The following CREM variants were observed in gnomAD, a reference collection of about 807,000 sequenced individuals.
CREM encodes the protein cAMP responsive element modulator, also known as cAMP-responsive element modulator.
A neutral mutation model predicts 37.3 loss-of-function variants in CREM; 13 were observed. The ratio of observed to expected loss-of-function variants is 0.35; its 90% CI spans 0.23 to 0.55. The LOEUF (loss-of-function observed/expected upper bound fraction) is 0.55, where lower values mean the gene tolerates loss of function less well. Ranked by LOEUF, CREM falls within the 20% of genes least tolerant of loss-of-function variation. The probability of loss-of-function intolerance (pLI) is 0.88; values close to 1 mark genes in which losing one functional copy is unlikely to be tolerated. For missense variants in CREM, 296 were observed against 362.3 expected (o/e 0.82, Z 1.49); for synonymous variants, 124 against 120.2 (o/e 1.03, Z -0.21).
chr10:35,165,803 G>T (rs1337451501), intron 3 of CREM, among the ~76,000 whole-genome samples: 1 of 151,670 alleles, frequency 6.6e-6, no homozygotes, highest in Admixed American at 6.6e-5. Flanking sequence ...CCAAGATACT[G>T]TACAGATTAG....
intron 3 of CREM, among the ~76,000 whole-genome samples, chr10:35,169,620 G>T (rs1409166619): frequency 1.3e-5 from 2 of 152,014 alleles, no homozygotes; most frequent in Non-Finnish European, 2.9e-5. Flanking sequence ...GGCCAGAACT[G>T]CCAACACTGT....
intron 6 of CREM, among the ~76,000 whole-genome samples, chr10:35,203,660 C>G (rs748696192): frequency 6.6e-6 from 1 of 151,758 alleles, no homozygotes; most frequent in Admixed American, 6.6e-5. Flanking sequence ...CCACTGCACT[C>G]TATCCTGGGT....
rs112154740 is a variant in CREM at position 35,201,684 on chromosome 10, A to G, written c.599-5211A>G. On this transcript the variant is annotated intron_variant, in intron 6 of 7. Coordinates refer to ENST00000685392, the MANE Select transcript of CREM (RefSeq NM_183011.2). ...TTCATGTCAGGAGCTAGATGGAAGCACATCATAATGAGAACGCCTTTGCTT... is the reference window on the plus strand; with the variant it reads ...TTCATGTCAGGAGCTAGATGGAAGCGCATCATAATGAGAACGCCTTTGCTT... Among the ~76,000 whole-genome samples the G allele has an allele frequency of 7.9e-5, 12 of 152,332 alleles. 1 individual carries two copies. The highest frequency in any genetic ancestry group is 2.9e-4 in the African/African-American group (12 of 41,584).
intron 1 of CREM, among the ~76,000 whole-genome samples, chr10:35,134,167 C>T (rs2090013605): frequency 6.6e-6 from 1 of 151,874 alleles, no homozygotes. Flanking sequence ...TTGCCTCAGC[C>T]TCCAGAGTAG....
At chr10:35,142,921 C>T (rs769689835) in intron 2 of CREM, among the ~76,000 whole-genome samples, 1 of 151,564 alleles carries the variant, frequency 6.6e-6, no homozygotes, top group Non-Finnish European at 1.5e-5. Flanking sequence ...ATAGCTTATT[C>T]TGTCTTATAA....
chr10:35,158,808 TGTTG>T (rs745446734), intron 3 of CREM, among the ~76,000 whole-genome samples: 5,457 of 134,756 alleles, frequency 0.04, 241 homozygotes, highest in East Asian at 0.052. Context: ...GTTTTTTTTT[TGTTG>T]TTTTGTTTGT....
chr10:35,179,564 ATTG>A, intron 5 of CREM: 1 of 343,308 alleles, frequency 2.9e-6, no homozygotes, highest in African/African-American at 2.1e-5. Context: ...CTAGTAAAAC[ATTG>A]TTTTTGTTGT....
intron 6 of CREM, among the ~76,000 whole-genome samples, chr10:35,198,300 G>A (rs551177571): frequency 3.3e-5 from 5 of 151,944 alleles, no homozygotes; most frequent in Admixed American, 6.6e-5. Flanking sequence ...CAAGGCGGGC[G>A]GATCACAACC....
intron 2 of CREM, among the ~76,000 whole-genome samples, chr10:35,139,058 T>C (rs1261565985): frequency 6.6e-6 from 1 of 152,180 alleles, no homozygotes; most frequent in Non-Finnish European, 1.5e-5. Context: ...CAGAGAAATA[T>C]TTAACTTCAA....
intron 6 of CREM, chr10:35,195,851 T>C (rs1227274790): frequency 1.8e-6 from 1 of 562,654 alleles, no homozygotes; most frequent in Non-Finnish European, 3.2e-6. Flanking sequence ...GAGCTGCACA[T>C]TGACGTCAGC....
intron 3 of CREM, among the ~76,000 whole-genome samples, chr10:35,166,310 C>T (rs771884517): frequency 8.5e-5 from 13 of 152,130 alleles, no homozygotes; most frequent in Non-Finnish European, 1.3e-4. Context: ...CACCTGTTAT[C>T]TCAGCACTTT....
In CREM at chr10:35,211,419, G is replaced by A. The variant is rs2095663254; in HGVS notation, c.*21G>A. ...AGTAACTGTCTTTGACTTGGACCTT[G>A]TTTACTCTAATCAAGGCAGGAGATG... On this transcript the variant is annotated 3_prime_UTR_variant, in exon 8 of 8. Transcript: ENST00000685392. The A allele has an allele frequency of 1.2e-6, 2 of 1,608,462 alleles. No individual in the cohort carries two copies. Among genetic ancestry groups the A allele is most frequent in the South Asian group, 1.1e-5 (1 of 90,248 alleles).
rs750713367 is a variant in CREM, at chr10:35,207,071, A to G, written c.755+20A>G. ...AAACAGGTGAGGTGTTGCACAGGGA[A>G]TCGGTAACTTCTAGGACACTTTTTA... On this transcript the variant is annotated intron_variant, in intron 7 of 7. Transcript: ENST00000685392. 1 of 1,606,358 alleles carries G rather than the reference A, an allele frequency of 6.2e-7. No individual in the cohort carries two copies. Among genetic ancestry groups the G allele is most frequent in the East Asian group, 2.2e-5 (1 of 44,676 alleles).
chr10:35,132,169 C>G (rs2089526002), intron 1 of CREM, among the ~76,000 whole-genome samples: 1 of 147,218 alleles, frequency 6.8e-6, no homozygotes, highest in Admixed American at 6.9e-5. Context: ...CTACTGCACT[C>G]CATCCTGGGT....
At chr10:35,158,272 A>G (rs1283289244) in intron 3 of CREM, 1 of 158,604 alleles carries the variant, frequency 6.3e-6, no homozygotes, top group Non-Finnish European at 1.4e-5. Context: ...CGAAAGGAAT[A>G]TTGAACCAAA....
chr10:35,136,426 C>T (rs11592886), intron 1 of CREM, among the ~76,000 whole-genome samples: 20,647 of 152,156 alleles, frequency 0.14, 1,590 homozygotes, highest in South Asian at 0.2. Flanking sequence ...GATGTCCCTA[C>T]GTAAAATGCT....
chr10:35,185,189 G>A (rs368015330), intron 5 of CREM, among the ~76,000 whole-genome samples: 2 of 147,816 alleles, frequency 1.4e-5, no homozygotes, highest in African/African-American at 5.0e-5. Flanking sequence ...CGCAACCCCC[G>A]CCTCCCAGAT....
chr10:35,177,698 C>T (rs1169470467), intron 3 of CREM, among the ~76,000 whole-genome samples: 1 of 152,164 alleles, frequency 6.6e-6, no homozygotes, highest in African/African-American at 2.4e-5. Flanking sequence ...GGATCTTGTC[C>T]TAGAATACTT....
chr10:35,130,196 CAA>C (rs754455183), intron 1 of CREM, among the ~76,000 whole-genome samples: 150 of 67,190 alleles, frequency 2.2e-3, no homozygotes, highest in African/African-American at 5.5e-3. Flanking sequence ...AACTCAGTCT[CAA>C]AAAAAAAAAA....
Sources: gnomAD v4.1 joint callset for allele counts (sites outside exome capture counted in the v4.1 genomes callset) on GRCh38, gnomAD v4.1.1 for gene constraint, MANE v1.5 for transcripts, NCBI Gene and HGNC (gene_info 2026-07-23, HGNC 2026-07-21) for gene names.